Variants in SORBS2 observed in about 807,000 individuals in gnomAD.
The protein encoded by SORBS2 is sorbin and SH3 domain containing 2.
In SORBS2, 46 loss-of-function variants were observed where a neutral mutation model predicts 97.7. The ratio of observed to expected loss-of-function variants is 0.47; its 90% CI spans 0.37 to 0.60. The LOEUF (loss-of-function observed/expected upper bound fraction) is 0.60. SORBS2 is among the 20% of genes least tolerant of loss of function. The pLI is 0.00. For synonymous variants in SORBS2, 476 were observed against 473.4 expected (o/e 1.01, Z -0.07); for missense variants, 1,316 against 1,282.3 (o/e 1.03, Z -0.40).
intron 2 of SORBS2, among the ~76,000 whole-genome samples, chr4:185,698,876 T>C (rs1336325482): frequency 6.6e-6 from 1 of 152,070 alleles, no homozygotes; most frequent in Non-Finnish European, 1.5e-5. Flanking sequence ...ATTTTTTTTT[T>C]CTGAAATCCT....
Position 185,623,450 on chromosome 4 carries a change from G to C in SORBS2, c.1679C>G (p.Ser560Cys), listed in dbSNP as rs2096752474. The C allele has an allele frequency of 6.2e-7, 1 of 1,612,138 alleles. No homozygotes were observed. The highest frequency in any genetic ancestry group is 1.3e-5 in the African/African-American group (1 of 74,934). The change falls in exon 7 of 15, where the codon TCC becomes TGC. Residue 560 changes from serine to cysteine, a missense_variant. Transcript: ENST00000418609. The surrounding 1 kb of genome is among the most constrained non-coding windows in gnomAD (Gnocchi z 6.4). ...GGAGGCCGGGCACCTGCCTTTGCAG[G>C]AGCTGATGAGGTGGCGGTGGTGGTG... is the stretch of plus-strand genomic sequence containing the variant.
chr4:185,917,924 G>GGT (rs1176522693), intron 1 of SORBS2, among the ~76,000 whole-genome samples: 1 of 152,164 alleles, frequency 6.6e-6, no homozygotes, highest in Non-Finnish European at 1.5e-5. Flanking sequence ...GAGAAACCCT[G>GGT]ACTGTCAACG....
intron 2 of SORBS2, among the ~76,000 whole-genome samples, chr4:185,683,721 A>G (rs770871566): frequency 6.6e-6 from 1 of 152,136 alleles, no homozygotes; most frequent in Non-Finnish European, 1.5e-5. Flanking sequence ...TTGGACGTTG[A>G]AATCCATTTG....
At chr4:185,953,514 T>G (rs892335177) in intron 1 of SORBS2, among the ~76,000 whole-genome samples, 2 of 152,182 alleles carry the variant, frequency 1.3e-5, no homozygotes, top group African/African-American at 4.8e-5. Flanking sequence ...TGTGTTAAAG[T>G]GTACTTCCCA....
rs973357152 is a variant in SORBS2, at chr4:185,619,754, C to T, written c.2304+309G>A. On this transcript the variant is annotated intron_variant, in intron 8 of 14. Transcript: ENST00000418609. Reference sequence around the variant, plus strand: ...TTGTAGAGGAAACCTATTGCCTCCACGAGGTGCCCTAACTCAGGACACTTT... The same window carrying T: ...TTGTAGAGGAAACCTATTGCCTCCATGAGGTGCCCTAACTCAGGACACTTT... Among the ~76,000 whole-genome samples the T allele has an allele frequency of 3.9e-5, 6 of 152,180 alleles. 1 individual carries two copies. The South Asian group carries it at 6.2e-4, about 16-fold the overall frequency.
chr4:185,643,417 T>C (rs28539820), intron 4 of SORBS2, among the ~76,000 whole-genome samples: 96,921 of 151,634 alleles, frequency 0.64, 32,305 homozygotes, highest in South Asian at 0.75. Context: ...ACAGGTCTTC[T>C]ATAAATTATG....
intron 1 of SORBS2, among the ~76,000 whole-genome samples, chr4:185,901,276 T>C (rs1426713086): frequency 6.6e-6 from 1 of 152,118 alleles, no homozygotes; most frequent in Admixed American, 6.5e-5. Context: ...CAATCTCGGC[T>C]CACCGAAACC....
chr4:185,892,836 T>C (rs866489001), intron 1 of SORBS2, among the ~76,000 whole-genome samples: 5 of 152,264 alleles, frequency 3.3e-5, no homozygotes, highest in African/African-American at 9.6e-5. Flanking sequence ...ATTTTGCAGA[T>C]GGATGGCAGA....
At chr4:185,766,702 T>G (rs1193327404) in intron 2 of SORBS2, among the ~76,000 whole-genome samples, 1 of 152,226 alleles carries the variant, frequency 6.6e-6, no homozygotes, top group Non-Finnish European at 1.5e-5. Flanking sequence ...CAATCGAATT[T>G]TTTAGGTTTG....
At chr4:185,797,325 C>T (rs1403458349) in intron 1 of SORBS2, among the ~76,000 whole-genome samples, 4 of 152,160 alleles carry the variant, frequency 2.6e-5, no homozygotes, top group Non-Finnish European at 5.9e-5. Flanking sequence ...TCGAATTCAT[C>T]GACACTATCA....
At chr4:185,898,031 C>A (rs1214943037) in intron 1 of SORBS2, among the ~76,000 whole-genome samples, 2 of 152,174 alleles carry the variant, frequency 1.3e-5, no homozygotes, top group African/African-American at 4.8e-5. Flanking sequence ...AGCAAGACCC[C>A]GTCTCAAACA....
intron 1 of SORBS2, among the ~76,000 whole-genome samples, chr4:185,906,235 G>A (rs1040629240): frequency 6.6e-6 from 1 of 152,292 alleles, no homozygotes; most frequent in African/African-American, 2.4e-5. Flanking sequence ...GTTTCTCCTT[G>A]TTGCTCAGGC....
In SORBS2 at chr4:185,623,708, C is replaced by T. The variant is rs746072654; in HGVS notation, c.1421G>A (p.Gly474Asp). 4 of 1,613,576 alleles carry T rather than the reference C, an allele frequency of 2.5e-6. No homozygotes were observed. In the South Asian group the frequency reaches 3.3e-5, roughly 13 times the overall value. Residue 474 changes from glycine to aspartate, a missense_variant, in exon 7 of 15, where the codon GGC becomes GAC. Coordinates refer to ENST00000418609, the Ensembl canonical transcript of SORBS2. The surrounding 1 kb of genome is among the most constrained non-coding windows in gnomAD (Gnocchi z 6.4). The stretch of plus-strand genomic sequence containing the variant: ...GGGCACCAGGGCGTTAGACTGGCAG[C>T]CTCGCCGGCCCCGAGCGGGGGGGCC...
At chr4:185,852,365 A>G (rs1380194660) in intron 1 of SORBS2, among the ~76,000 whole-genome samples, 1 of 152,208 alleles carries the variant, frequency 6.6e-6, no homozygotes, top group Non-Finnish European at 1.5e-5. Flanking sequence ...TGGTATCTGC[A>G]GAGTGAGATA....
chr4:185,897,693 C>T (rs563676513), intron 1 of SORBS2, among the ~76,000 whole-genome samples: 11 of 152,246 alleles, frequency 7.2e-5, no homozygotes, highest in South Asian at 6.2e-4. Context: ...TAGAAAGTCA[C>T]GGAACACAGA....
Position 185,725,218 on chromosome 4 carries a change from G to A in SORBS2, c.-197-46396C>T, listed in dbSNP as rs145764579. On this transcript the variant is annotated intron_variant, in intron 2 of 20. Transcript: ENST00000284776. ...GGGTCAACAGCTAGAAACCATCACA[G>A]CCTGCTATAATCCATTAGTTACAAA... Among the ~76,000 whole-genome samples the A allele has an allele frequency of 3.1e-3, 467 of 152,244 alleles. 6 individuals carry two copies. Among genetic ancestry groups the A allele is most frequent in the African/African-American group, 9.9e-3 (412 of 41,544 alleles).
chr4:185,934,882 G>A (rs2149979942), intron 1 of SORBS2, among the ~76,000 whole-genome samples: 1 of 152,058 alleles, frequency 6.6e-6, no homozygotes, highest in South Asian at 2.1e-4. Context: ...ACTGTTCTGT[G>A]GCCCCCTCTG....
At chr4:185,879,174 C>A (rs1382707046) in intron 1 of SORBS2, among the ~76,000 whole-genome samples, 10 of 111,594 alleles carry the variant, frequency 9.0e-5, no homozygotes, top group Non-Finnish European at 1.7e-4. Context: ...CTCCCCCCCC[C>A]CCACCCCACG....
At chr4:185,650,690 A>T (rs1309654675) in intron 2 of SORBS2, among the ~76,000 whole-genome samples, 1 of 151,788 alleles carries the variant, frequency 6.6e-6, no homozygotes, top group Non-Finnish European at 1.5e-5. Flanking sequence ...ATGAAAAGAG[A>T]CAACATCTAC....
Sources: allele counts gnomAD v4.1 joint callset (sites outside exome capture counted in the v4.1 genomes callset), GRCh38; gene constraint gnomAD v4.1.1; non-coding constraint Gnocchi (gnomAD v3.1); transcripts MANE v1.5; gene names NCBI Gene and HGNC (gene_info 2026-07-23, HGNC 2026-07-21).